EFCAB8: variants seen among roughly 807,000 people sequenced by gnomAD.
EFCAB8 encodes the protein EF-hand calcium binding domain 8.
EFCAB8 carries 100 observed loss-of-function variants against 116.3 expected under a neutral mutation model. The ratio of observed to expected loss-of-function variants is 0.86; its 90% CI spans 0.73 to 1.02. The LOEUF is 1.02. EFCAB8 is among the 50% of genes least tolerant of loss of function. The pLI, the probability that EFCAB8 is intolerant of heterozygous loss-of-function variation, is 0.00. For missense variants in EFCAB8, 1,320 were observed against 1,416.9 expected, an observed-to-expected ratio of 0.93 and a Z score of 1.10; for synonymous variants, 558 against 567.9, an observed-to-expected ratio of 0.98 and a Z score of 0.25.
In EFCAB8 at chr20:32,961,411, C is replaced by G; in HGVS notation, c.3669C>G (p.Pro1223=). ...LDSSLPTFLT[P]QFSFLLRPQS... Reference sequence around the variant, plus strand: ...CCAGCTTGCCCACCTTCCTGACGCCCCAGTTCTCCTTCTTGCTGCGGCCCC... The same window carrying G: ...CCAGCTTGCCCACCTTCCTGACGCCGCAGTTCTCCTTCTTGCTGCGGCCCC... Residue 1223 remains proline, a synonymous_variant, in exon 27 of 27, where the codon CCC becomes CCG. Coordinates refer to ENST00000400522, the MANE Select transcript of EFCAB8 (RefSeq NM_001143967.2). The G allele has an allele frequency of 6.9e-7, 1 of 1,458,606 alleles. No individual in the cohort carries two copies. Among genetic ancestry groups the G allele is most frequent in the Non-Finnish European group, 9.1e-7 (1 of 1,103,838 alleles). 90.4% of individuals were successfully genotyped at this position (1,458,606 alleles called of 1,614,324 possible). A position where few individuals can be genotyped will look rare whatever the true frequency, so the allele number is the denominator to read the frequency against.
intron 11 of EFCAB8, among the ~76,000 whole-genome samples, chr20:32,901,102 G>A (rs893440304): frequency 2.0e-5 from 3 of 152,348 alleles, no homozygotes; most frequent in Admixed American, 6.5e-5. Context: ...AATGTCTGAC[G>A]TGAAGGGGAA....
At chr20:32,877,148 C>T (rs934637231) in intron 4 of EFCAB8, among the ~76,000 whole-genome samples, 7 of 151,584 alleles carry the variant, frequency 4.6e-5, no homozygotes, top group African/African-American at 1.5e-4. Flanking sequence ...CTCTCCTCAG[C>T]ATAGGTATAC....
chr20:32,909,856 G>T lies in EFCAB8; in HGVS notation c.1482G>T (p.Gly494=), dbSNP rs1325749309. 4.0e-6 allele frequency: 5 copies of T among 1,249,834 alleles called. No homozygotes were observed. The highest frequency in any genetic ancestry group is 1.6e-5 in the African/African-American group (1 of 64,500). 77.4% of individuals were successfully genotyped at this position (1,249,834 alleles called of 1,614,324 possible). The part of the protein sequence containing the change: ...GILKGYLEAQ[G]LIKARKRTTH... The stretch of plus-strand genomic sequence containing the variant: ...TAAAAGGGTACTTAGAGGCCCAGGG[G>T]CTTATCAAAGCAAGGAAGAGGACCA... Residue 494 remains glycine (G), a synonymous_variant, in exon 15 of 27, where the codon GGG becomes GGT. Coordinates refer to ENST00000400522, the MANE Select transcript of EFCAB8 (RefSeq NM_001143967.2).
intron 6 of EFCAB8, among the ~76,000 whole-genome samples, chr20:32,886,266 A>T (rs1410279384): frequency 6.6e-6 from 1 of 152,168 alleles, no homozygotes; most frequent in Non-Finnish European, 1.5e-5. Flanking sequence ...TGCTTGGGGC[A>T]GGGCAGGGCA....
At chr20:32,861,864 C>G (rs1002366006) in intron 1 of EFCAB8, among the ~76,000 whole-genome samples, 18 of 152,172 alleles carry the variant, frequency 1.2e-4, no homozygotes, top group African/African-American at 4.3e-4. Flanking sequence ...TGTTTCCAGG[C>G]TCTTTTTTAT....
intron 10 of EFCAB8, among the ~76,000 whole-genome samples, chr20:32,897,965 T>G (rs764886807): frequency 2.0e-5 from 3 of 152,030 alleles, no homozygotes; most frequent in Non-Finnish European, 2.9e-5. Flanking sequence ...GGTCACAGAG[T>G]TGGCGCCGGA....
chr20:32,934,105 A>C (rs1412466329), intron 22 of EFCAB8, among the ~76,000 whole-genome samples: 1 of 151,750 alleles, frequency 6.6e-6, no homozygotes. Context: ...TGACCTCCCA[A>C]AGTGCTGGGA....
intron 5 of EFCAB8, 125 bp from the exon 6 acceptor site, chr20:32,885,380 G>A (rs950367275): frequency 9.3e-5 from 121 of 1,296,186 alleles, no homozygotes; most frequent in African/African-American, 1.2e-4. Context: ...GCGCATGTGC[G>A]TGCGTGTGCG....
chr20:32,867,968 C>T (rs1316430928), intron 3 of EFCAB8, among the ~76,000 whole-genome samples: 2 of 152,070 alleles, frequency 1.3e-5, no homozygotes, highest in Admixed American at 6.6e-5. Flanking sequence ...CCCAGAGTAG[C>T]TGGGACTACA....
intron 4 of EFCAB8, among the ~76,000 whole-genome samples, chr20:32,877,188 T>C (rs1275243980): frequency 1.3e-5 from 2 of 150,584 alleles, no homozygotes; most frequent in Non-Finnish European, 3.0e-5. Flanking sequence ...TCAATTTTCT[T>C]GTTTTTATTT....
At chr20:32,889,225 C>A in intron 6 of EFCAB8, 76 bp from the exon 7 acceptor site, 2 of 1,302,452 alleles carry the variant, frequency 1.5e-6, no homozygotes, top group South Asian at 1.3e-5. Context: ...CCTTGTGTGG[C>A]AGGAGAGGTT....
intron 1 of EFCAB8, among the ~76,000 whole-genome samples, chr20:32,863,431 G>A (rs1003364772): frequency 2.6e-5 from 4 of 152,088 alleles, no homozygotes; most frequent in Admixed American, 2.0e-4. Context: ...ACTACCACAT[G>A]GCCTCCTAAG....
chr20:32,904,843 T>C (rs1033233494), intron 11 of EFCAB8, among the ~76,000 whole-genome samples: 2 of 152,240 alleles, frequency 1.3e-5, no homozygotes, highest in Non-Finnish European at 2.9e-5. Flanking sequence ...GCCAGGCTGG[T>C]CTGGAACTCC....
Position 32,954,322 on chromosome 20 carries a change from A to T in EFCAB8, c.2960-4099A>T, listed in dbSNP as rs367805831. The stretch of plus-strand genomic sequence containing the variant: ...ATTTTTGTATATGGCATAAAATAAC[A>T]GTCCAGTTTTACTCTTTTGCATGTG... On this transcript the variant is annotated intron_variant, in intron 23 of 26. Transcript: ENST00000400522. 2.6e-5 allele frequency among the ~76,000 whole-genome samples: 4 copies of T among 152,334 alleles called. No individual in the cohort carries two copies. The East Asian group carries it at 5.8e-4, about 22-fold the overall frequency.
chr20:32,878,934 T>A, intron 5 of EFCAB8, 127 bp downstream of exon 5: 1 of 740,878 alleles, frequency 1.3e-6, no homozygotes, highest in Non-Finnish European at 2.3e-6. Context: ...ATCAGCCTGC[T>A]GCCTGATGTC....
intron 5 of EFCAB8, among the ~76,000 whole-genome samples, chr20:32,882,505 TTTTATTGTA>T (rs1985394631): frequency 6.6e-6 from 1 of 152,140 alleles, no homozygotes; most frequent in African/African-American, 2.4e-5. Flanking sequence ...ACCATTTCCA[TTTTATTGTA>T]TTTATTTTTT....
chr20:32,895,478 A>G (rs752484530), intron 9 of EFCAB8, among the ~76,000 whole-genome samples: 9 of 149,506 alleles, frequency 6.0e-5, no homozygotes, highest in Non-Finnish European at 1.2e-4. Flanking sequence ...GCACGCCACC[A>G]CCACTTCTGG....
Position 32,961,620 on chromosome 20 carries a change from T to C in EFCAB8, c.*11T>C. On this transcript the variant is annotated 3_prime_UTR_variant, in exon 27 of 27. Transcript: ENST00000400522. ...CATGTCAGGTTCTGAGGTGCTCCGC[T>C]GTCTTCTCTAGTCCTCCAGCAGGGC... 1 of 1,287,954 alleles carries C rather than the reference T, an allele frequency of 7.8e-7. No homozygotes were observed. Among genetic ancestry groups the C allele is most frequent in the Non-Finnish European group, 9.9e-7 (1 of 1,014,098 alleles). The allele number at this position is 1,287,954 out of a possible 1,614,324, so 79.8% of individuals were successfully genotyped here.
intron 20 of EFCAB8, among the ~76,000 whole-genome samples, chr20:32,923,426 C>T (rs2146264704): frequency 6.6e-6 from 1 of 152,110 alleles, no homozygotes; most frequent in East Asian, 1.9e-4. Flanking sequence ...GCGGAGGTTG[C>T]AGTGAGCTGA....
Sources: allele counts gnomAD v4.1 joint callset (sites outside exome capture counted in the v4.1 genomes callset), GRCh38; gene constraint gnomAD v4.1.1; transcripts MANE v1.5; gene names NCBI Gene and HGNC (gene_info 2026-07-23, HGNC 2026-07-21).